ATXN2L: variants seen among roughly 807,000 people sequenced by gnomAD.
The protein encoded by ATXN2L is ataxin 2 like, also known as ataxin-2-like protein.
Under a neutral mutation model 120.7 loss-of-function variants are expected in ATXN2L, and 24 were observed. The observed-to-expected ratio is 0.20, with a 90% CI of 0.14 to 0.28. The LOEUF is 0.28. ATXN2L is among the 10% of genes least tolerant of loss of function. The pLI, the probability that ATXN2L is intolerant of heterozygous loss-of-function variation, is 1.00. For missense variants in ATXN2L, 1,312 were observed against 1,432.3 expected (o/e 0.92, Z 1.36); for synonymous variants, 653 against 568.1 (o/e 1.15, Z -2.13).
Position 28,836,046 on chromosome 16 carries a change from C to T in ATXN2L, c.3009C>T (p.Gly1003=), listed in dbSNP as rs760504178. ...PPQSHGGPPQ[G]AVPQSGVPAL... ...AGAGTCATGGGGGGCCCCCCCAAGGCGCGGTGCCCCAGAGTGGGGTGCCTG... is the reference window on the plus strand; with the variant it reads ...AGAGTCATGGGGGGCCCCCCCAAGGTGCGGTGCCCCAGAGTGGGGTGCCTG... Residue 1003 remains glycine (G), a synonymous_variant, in exon 22 of 22, where the codon GGC becomes GGT. Transcript: ENST00000336783. 12 of 1,600,982 alleles carry T rather than the reference C, an allele frequency of 7.5e-6. No homozygotes were observed. The highest frequency in any genetic ancestry group is 6.7e-5 in the East Asian group (3 of 44,638).
At position 28,829,984 on chromosome 16, in the gene ATXN2L, G is replaced by A. The variant is rs1167632923; in HGVS notation, c.960G>A (p.Gly320=). 6.2e-7 allele frequency: 1 copy of A among 1,614,080 alleles called. No homozygotes were observed. Among genetic ancestry groups the A allele is most frequent in the Non-Finnish European group, 8.5e-7 (1 of 1,180,036 alleles). Residue 320 remains glycine (G), a synonymous_variant, in exon 8 of 22, where the codon GGG becomes GGA. Coordinates refer to ENST00000336783, the MANE Select transcript of ATXN2L (RefSeq NM_007245.4). ...GGATCGCCATGGAGAACGACGATGG[G>A]CGCACTGAAGAGGAGAAGCACAGTG... ...RLRIAMENDD[G]RTEEEKHSAV... is the part of the protein sequence containing the mutation.
At position 28,825,641 on chromosome 16, in the gene ATXN2L, C is replaced by G; in HGVS notation, c.354C>G (p.Tyr118Ter). The G allele has an allele frequency of 6.2e-7, 1 of 1,614,196 alleles. No homozygotes were observed. Among genetic ancestry groups the G allele is most frequent in the Non-Finnish European group, 8.5e-7 (1 of 1,180,018 alleles). ...PPQSPVFEGV[Y>*]NNSRMLHFLT... ...ACTGACAGGTGTTTGAAGGCGTCTACAACAATTCCAGAATGCTGCATTTCC... is the reference window on the plus strand; with the variant it reads ...ACTGACAGGTGTTTGAAGGCGTCTAGAACAATTCCAGAATGCTGCATTTCC... Residue 118 changes from tyrosine to a stop codon, truncating the protein, a stop_gained, in exon 3 of 22, where the codon TAC becomes TAG. Transcript: ENST00000336783. LOFTEE classifies it high-confidence loss of function.
intron 7 of ATXN2L, 64 bp from the exon 8 acceptor site, chr16:28,829,794 T>C (rs2053679649): frequency 6.5e-7 from 1 of 1,544,880 alleles, no homozygotes; most frequent in East Asian, 2.3e-5. Context: ...TTGAAATGTT[T>C]TTCCTTTTTT....
chr16:28,831,156 A>G (rs1479744617), intron 10 of ATXN2L, 84 bp downstream of exon 10: 1 of 940,698 alleles, frequency 1.1e-6, no homozygotes, highest in Non-Finnish European at 1.6e-6. Context: ...CAGTGCTGGA[A>G]TGGGAGATAA....
Position 28,837,097 on chromosome 16 carries a change from C to T in ATXN2L, c.*832C>T. On this transcript the variant is annotated 3_prime_UTR_variant, in exon 22 of 22. Coordinates refer to ENST00000336783, the MANE Select transcript of ATXN2L (RefSeq NM_007245.4). The stretch of plus-strand genomic sequence containing the variant: ...TAACTTCAGACTTGGGCCCCCTGTT[C>T]TTTCTTTCCCATTAACTTGAGTGAC... 1.9e-6 allele frequency: 1 copy of T among 528,548 alleles called. No individual in the cohort carries two copies. Among genetic ancestry groups the T allele is most frequent in the Non-Finnish European group, 3.6e-6 (1 of 278,454 alleles). The allele number at this position is 528,548 out of a possible 1,614,324, so 32.7% of individuals were successfully genotyped here. A position where few individuals can be genotyped will look rare whatever the true frequency, so the allele number is the denominator to read the frequency against.
chr16:28,825,502 C>T (rs2051554707), intron 2 of ATXN2L, 100 bp downstream of exon 2: 3 of 1,539,672 alleles, frequency 1.9e-6, no homozygotes, highest in African/African-American at 1.4e-5. Flanking sequence ...CTAATGTACT[C>T]AGGAGGGCTG....
intron 2 of ATXN2L, 59 bp from the exon 3 acceptor site, chr16:28,825,565 A>G (rs773867400): frequency 6.3e-7 from 1 of 1,584,826 alleles, no homozygotes; most frequent in Non-Finnish European, 8.7e-7. Context: ...GCATTTAGAA[A>G]AGAAAATGAG....
At chr16:28,835,031 C>G in intron 18 of ATXN2L, 27 bp from the exon 19 acceptor site, 1 of 1,598,258 alleles carries the variant, frequency 6.3e-7, no homozygotes, top group East Asian at 2.2e-5. Flanking sequence ...GCGGCTGTGC[C>G]AACCACTCCT....
chr16:28,823,786 G>T (rs560490907), intron 1 of ATXN2L: 5 of 423,092 alleles, frequency 1.2e-5, no homozygotes, highest in African/African-American at 8.2e-5. Flanking sequence ...GCCTAGTCAG[G>T]GCTCGCAGCC....
At chr16:28,833,678 A>G (rs1596561001) in intron 15 of ATXN2L, among the ~76,000 whole-genome samples, 170 bp downstream of exon 15, 1 of 150,080 alleles carries the variant, frequency 6.7e-6, no homozygotes, top group Non-Finnish European at 1.5e-5. Context: ...TGGCTTGGGG[A>G]AAATGGACTC....
chr16:28,823,313 C>G lies in ATXN2L; in HGVS notation c.54C>G (p.Pro18=), dbSNP rs765449168. The G allele has an allele frequency of 1.3e-6, 2 of 1,491,648 alleles. No individual in the cohort carries two copies. Among genetic ancestry groups the G allele is most frequent in the Non-Finnish European group, 1.8e-6 (2 of 1,122,438 alleles). 92.4% of individuals were successfully genotyped at this position (1,491,648 alleles called of 1,614,324 possible). A position where few individuals can be genotyped will look rare whatever the true frequency, so the allele number is the denominator to read the frequency against. The stretch of plus-strand genomic sequence containing the variant: ...CCTCCCAGCCCCAGCAGCCGCCCCC[C>G]ACGCAACAGGCCGTGGCCCGTCGGC... ...QQPSQPQQPP[P]TQQAVARRPP... The change falls in exon 1 of 22, where the codon CCC becomes CCG. Residue 18 remains proline, a synonymous_variant. Transcript: ENST00000336783.
chr16:28,834,854 C>T, intron 18 of ATXN2L, 161 bp downstream of exon 18: 1 of 1,145,578 alleles, frequency 8.7e-7, no homozygotes, highest in Admixed American at 2.8e-5. Context: ...AGCCCTGGCT[C>T]TGGTGGTACC....
Position 28,823,217 on chromosome 16 carries a change from TCTCC to T in ATXN2L, c.-36_-33del. On this transcript the variant is annotated 5_prime_UTR_variant, in exon 1 of 22. Coordinates refer to ENST00000336783, the MANE Select transcript of ATXN2L (RefSeq NM_007245.4). ...GCGGGGCCCCAGCCCCGGCCCCCTCTCTCCCTCCCTTCTCTCTAATTCCCCTTCC... is the reference window on the plus strand; with the variant it reads ...GCGGGGCCCCAGCCCCGGCCCCCTCTCTCCCTTCTCTCTAATTCCCCTTCC... 1.8e-6 allele frequency: 2 copies of T among 1,102,754 alleles called. No individual in the cohort carries two copies. Among genetic ancestry groups the T allele is most frequent in the African/African-American group, 1.8e-5 (1 of 55,558 alleles). The allele number at this position is 1,102,754 out of a possible 1,614,324, so 68.3% of individuals were successfully genotyped here.
chr16:28,825,028 A>G (rs1466661843), intron 1 of ATXN2L, among the ~76,000 whole-genome samples: 1 of 151,074 alleles, frequency 6.6e-6, no homozygotes, highest in Non-Finnish European at 1.5e-5. Context: ...TGGGCAACAC[A>G]GATGGGAAAT....
intron 1 of ATXN2L, 148 bp downstream of exon 1, chr16:28,823,706 C>G: frequency 1.2e-6 from 1 of 840,322 alleles, no homozygotes; most frequent in Middle Eastern, 4.1e-4. Flanking sequence ...CCCTCAGGTC[C>G]GAACAGGTCG....
At chr16:28,826,591 T>C (rs774235038) in intron 5 of ATXN2L, 3 of 605,418 alleles carry the variant, frequency 5.0e-6, no homozygotes, top group South Asian at 2.6e-5. Flanking sequence ...TAATATATAA[T>C]GCGATGAATT....
rs1186394387 is a variant in ATXN2L, at chr16:28,827,006, G to A, written c.741+20G>A. 7.0e-7 allele frequency: 1 copy of A among 1,434,820 alleles called. No individual in the cohort carries two copies. The highest frequency in any genetic ancestry group is 1.4e-5 in the African/African-American group (1 of 69,984). The allele number at this position is 1,434,820 out of a possible 1,614,324, so 88.9% of individuals were successfully genotyped here. On this transcript the variant is annotated intron_variant, in intron 6 of 21. Transcript: ENST00000336783. ...GACATGGTATAGCCTCCTTCCCTGA[G>A]AACTTGGGAGCTGGACAGACAGAAT...
chr16:28,824,310 A>G (rs952525964), intron 1 of ATXN2L: 7 of 1,199,074 alleles, frequency 5.8e-6, no homozygotes, highest in Non-Finnish European at 6.4e-6. Flanking sequence ...TGTTAATGGA[A>G]TTAAGAGTGG....
chr16:28,825,228 A>C (rs1217681787), intron 1 of ATXN2L, 138 bp from the exon 2 acceptor site: 1 of 871,838 alleles, frequency 1.1e-6, no homozygotes, highest in Non-Finnish European at 1.8e-6. Flanking sequence ...AAAAAAATAG[A>C]AAAATCTTAC....
Sources: gnomAD v4.1 joint callset for allele counts (sites outside exome capture counted in the v4.1 genomes callset) on GRCh38, gnomAD v4.1.1 for gene constraint, MANE v1.5 for transcripts, NCBI Gene and HGNC (gene_info 2026-07-23, HGNC 2026-07-21) for gene names.